XRCC4: variants seen among roughly 807,000 people sequenced by gnomAD.
XRCC4 encodes the protein DNA repair protein XRCC4.
In XRCC4, 28 loss-of-function variants were observed where a neutral mutation model predicts 39.1. That is an observed-to-expected ratio of 0.72 (90% CI 0.53 to 0.98). XRCC4 has a LOEUF of 0.98. Among genes scored for constraint, XRCC4 ranks in the 50% least tolerant of loss-of-function variants. XRCC4 has a pLI of 0.00. For synonymous variants in XRCC4, 123 were observed against 126.4 expected, an observed-to-expected ratio of 0.97 and a Z score of 0.18; for missense variants, 350 against 376.4, an observed-to-expected ratio of 0.93 and a Z score of 0.58.
chr5:83,103,350 T>C (rs991100933), intron 1 of XRCC4, among the ~76,000 whole-genome samples: 1 of 152,130 alleles, frequency 6.6e-6, no homozygotes, highest in Non-Finnish European at 1.5e-5. Flanking sequence ...CTTTCAGTAT[T>C]ACATTGTGTA....
chr5:83,209,087 T>A (rs758485368), intron 6 of XRCC4, among the ~76,000 whole-genome samples: 2 of 59,522 alleles, frequency 3.4e-5, no homozygotes, highest in South Asian at 6.1e-4. Context: ...AAAGTGAGTG[T>A]GTGTGTGTGT....
chr5:83,193,160 C>G (rs1750787367), intron 3 of XRCC4, among the ~76,000 whole-genome samples: 1 of 151,930 alleles, frequency 6.6e-6, no homozygotes, highest in Admixed American at 6.6e-5. Flanking sequence ...GGCACGTGGC[C>G]CCTTGCATCT....
At chr5:83,079,335 G>T (rs1051012809) in intron 1 of XRCC4, among the ~76,000 whole-genome samples, 1 of 152,090 alleles carries the variant, frequency 6.6e-6, no homozygotes, top group Non-Finnish European at 1.5e-5. Context: ...ATCTGACGTG[G>T]TGAGTTTTTT....
At chr5:83,367,971 T>A in the XRCC4 span, among the ~76,000 whole-genome samples, 3 of 151,906 alleles carry the variant, frequency 2.0e-5, no homozygotes, top group Non-Finnish European at 2.9e-5. Flanking sequence ...GTGGAACTGG[T>A]TCAGATGCTG....
At chr5:83,298,556 G>GT (rs1755171212) in intron 7 of XRCC4, among the ~76,000 whole-genome samples, 1 of 151,638 alleles carries the variant, frequency 6.6e-6, no homozygotes, top group Admixed American at 6.6e-5. Flanking sequence ...TTTGATTAGT[G>GT]TTTCCCTGGT....
chr5:83,352,248 A>T (rs1649090640), intron 7 of XRCC4, among the ~76,000 whole-genome samples: 1 of 152,174 alleles, frequency 6.6e-6, no homozygotes, highest in Non-Finnish European at 1.5e-5. Context: ...TTGGAAATAG[A>T]GGGGTATTAC....
At chr5:83,364,484 A>G in the XRCC4 span, among the ~76,000 whole-genome samples, 1 of 152,210 alleles carries the variant, frequency 6.6e-6, no homozygotes, top group African/African-American at 2.4e-5. Flanking sequence ...CTTGAAAATA[A>G]TCAGATTTTC....
intron 3 of XRCC4, among the ~76,000 whole-genome samples, chr5:83,189,223 C>A (rs1476320008): frequency 6.6e-6 from 1 of 152,156 alleles, no homozygotes; most frequent in African/African-American, 2.4e-5. Flanking sequence ...ATATTTATAG[C>A]CCTTCAATGT....
At chr5:83,141,555 C>T (rs920093864) in intron 3 of XRCC4, among the ~76,000 whole-genome samples, 3 of 152,026 alleles carry the variant, frequency 2.0e-5, no homozygotes, top group African/African-American at 4.8e-5. Context: ...TTTCCAATTG[C>T]GAGTGAATTT....
chr5:83,332,218 C>A (rs542905784), intron 7 of XRCC4, among the ~76,000 whole-genome samples: 8 of 140,286 alleles, frequency 5.7e-5, no homozygotes, highest in African/African-American at 1.1e-4. Context: ...ATGAACATTT[C>A]AATCTTCTAC....
At chr5:83,353,075 C>A in intron 7 of XRCC4, 56 bp from the exon 8 acceptor site, 1 of 1,383,332 alleles carries the variant, frequency 7.2e-7, no homozygotes, top group South Asian at 1.4e-5. Flanking sequence ...TTTTCTTTTA[C>A]TCTATAACAG....
chr5:83,261,622 T>C (rs952401221), intron 7 of XRCC4, among the ~76,000 whole-genome samples: 1 of 151,812 alleles, frequency 6.6e-6, no homozygotes, highest in Non-Finnish European at 1.5e-5. Flanking sequence ...TTTTTTTTTT[T>C]TTTGTCTACA....
chr5:83,229,531 T>A (rs1396535390), intron 6 of XRCC4, among the ~76,000 whole-genome samples: 2 of 151,652 alleles, frequency 1.3e-5, no homozygotes, highest in African/African-American at 4.8e-5. Context: ...CCAGTGGTTC[T>A]TATTTTGGGG....
At chr5:83,093,851 A>G (rs910333327) in intron 1 of XRCC4, among the ~76,000 whole-genome samples, 6 of 152,060 alleles carry the variant, frequency 3.9e-5, no homozygotes, top group Non-Finnish European at 7.4e-5. Flanking sequence ...CTTATTTTTG[A>G]AAGACATCTT....
chr5:83,309,296 A>AAAAAAT (rs1561467702), intron 7 of XRCC4, among the ~76,000 whole-genome samples: 13 of 72,232 alleles, frequency 1.8e-4, no homozygotes, highest in African/African-American at 6.0e-4. Context: ...AAAAAAAAAA[A>AAAAAAT]ATATATATAT....
intron 2 of XRCC4, among the ~76,000 whole-genome samples, chr5:83,108,219 G>A (rs1053738999): frequency 2.6e-5 from 4 of 151,774 alleles, no homozygotes; most frequent in Admixed American, 2.0e-4. Context: ...TTAGAGCATC[G>A]CGTGCTTACA....
chr5:83,096,441 GT>G (rs1486124529), intron 1 of XRCC4, among the ~76,000 whole-genome samples: 1 of 152,110 alleles, frequency 6.6e-6, no homozygotes, highest in Non-Finnish European at 1.5e-5. Flanking sequence ...TTGGCAGGTG[GT>G]TTTGGTTGCA....
intron 7 of XRCC4, among the ~76,000 whole-genome samples, chr5:83,333,935 A>G (rs1756516245): frequency 6.6e-6 from 1 of 151,816 alleles, no homozygotes; most frequent in African/African-American, 2.4e-5. Flanking sequence ...ACGCCTGGCT[A>G]ATTTTTGTAT....
chr5:83,226,182 T>G (rs947153130), intron 6 of XRCC4, among the ~76,000 whole-genome samples: 1 of 152,014 alleles, frequency 6.6e-6, no homozygotes, highest in Admixed American at 6.6e-5. Flanking sequence ...AGCTAGGAGA[T>G]TTAGGATGCA....
Sources: allele counts gnomAD v4.1 joint callset (sites outside exome capture counted in the v4.1 genomes callset), GRCh38; gene constraint gnomAD v4.1.1; transcripts MANE v1.5; gene names NCBI Gene and HGNC (gene_info 2026-07-23, HGNC 2026-07-21).